The following SCIN variants were observed in gnomAD, a reference collection of about 807,000 sequenced individuals.
SCIN encodes the protein adseverin.
A neutral mutation model predicts 91.8 loss-of-function variants in SCIN; 91 were observed. That is an observed-to-expected ratio of 0.99 (90% CI 0.84 to 1.18). The LOEUF is 1.18. Ranked by LOEUF, SCIN falls within the 50% of genes most tolerant of loss-of-function variation. The pLI, the probability that SCIN is intolerant of heterozygous loss-of-function variation, is 0.00. For missense variants in SCIN, 1,087 were observed against 863.9 expected, an observed-to-expected ratio of 1.26 and a Z score of -3.24; for synonymous variants, 367 against 312.6, an observed-to-expected ratio of 1.17 and a Z score of -1.84.
chr7:12,598,439 C>T (rs768570638), intron 3 of SCIN, among the ~76,000 whole-genome samples: 2 of 152,068 alleles, frequency 1.3e-5, no homozygotes, highest in African/African-American at 2.4e-5. Context: ...CTTACTTCAG[C>T]ACAGTAGAGC....
Position 12,576,646 on chromosome 7 carries a change from A to G in SCIN, c.200-1418A>G, listed in dbSNP as rs7781751. On this transcript the variant is annotated intron_variant, in intron 1 of 15. Coordinates refer to ENST00000297029, the MANE Select transcript of SCIN (RefSeq NM_001112706.3). ...AGAGCCTGAGTACAAAAAAATACCCACAAGTGTACTGGAGTTTTTAAGAAC... is the reference window on the plus strand; with the variant it reads ...AGAGCCTGAGTACAAAAAAATACCCGCAAGTGTACTGGAGTTTTTAAGAAC... Among the ~76,000 whole-genome samples, 508 of 152,262 alleles carry G rather than the reference A, an allele frequency of 3.3e-3. 3 individuals are homozygous for G. Among genetic ancestry groups the G allele is most frequent in the African/African-American group, 0.011 (476 of 41,552 alleles).
chr7:12,659,102 C>T lies in SCIN; in HGVS notation c.*6387C>T, dbSNP rs187169944. ...TCCTGAGTAGCTGGGATTACAGGCA[C>T]CCGCCACCACACCTGACTAATTTTT... On this transcript the variant is annotated 3_prime_UTR_variant, in exon 16 of 16. Transcript: ENST00000297029. The T allele has an allele frequency of 2.1e-3, 323 of 152,306 alleles. No individual in the cohort carries two copies. Among genetic ancestry groups the T allele is most frequent in the Non-Finnish European group, 3.1e-3 (212 of 68,088 alleles). 9.4% of individuals were successfully genotyped at this position (152,306 alleles called of 1,614,324 possible). A position where few individuals can be genotyped will look rare whatever the true frequency, so the allele number is the denominator to read the frequency against.
At chr7:12,631,499 G>T (rs947143351) in intron 9 of SCIN, among the ~76,000 whole-genome samples, 1 of 152,142 alleles carries the variant, frequency 6.6e-6, no homozygotes, top group African/African-American at 2.4e-5. Flanking sequence ...GGGAGATGGG[G>T]CATTTAAGAG....
At chr7:12,572,083 A>G (rs1782283026) in intron 1 of SCIN, among the ~76,000 whole-genome samples, 1 of 152,236 alleles carries the variant, frequency 6.6e-6, no homozygotes, top group African/African-American at 2.4e-5. Flanking sequence ...GTAATTTCCA[A>G]CATTTGAAGA....
At chr7:12,575,389 A>G (rs1395915842) in intron 1 of SCIN, among the ~76,000 whole-genome samples, 1 of 151,340 alleles carries the variant, frequency 6.6e-6, no homozygotes, top group Admixed American at 6.6e-5. Flanking sequence ...TTGCTGTACT[A>G]TGTTGAATAA....
chr7:12,574,587 A>G (rs577854572), intron 1 of SCIN, among the ~76,000 whole-genome samples: 45 of 152,270 alleles, frequency 3.0e-4, no homozygotes. Flanking sequence ...TATCAATGCC[A>G]ATATCCTGGT....
chr7:12,576,978 T>C (rs556068576), intron 1 of SCIN, among the ~76,000 whole-genome samples: 1 of 152,342 alleles, frequency 6.6e-6, no homozygotes, highest in African/African-American at 2.4e-5. Flanking sequence ...TTCCATAAAA[T>C]GTGAGTGCCC....
intron 3 of SCIN, among the ~76,000 whole-genome samples, chr7:12,589,765 C>T (rs1782678845): frequency 6.6e-6 from 1 of 152,064 alleles, no homozygotes; most frequent in African/African-American, 2.4e-5. Flanking sequence ...GGCTTGTTGG[C>T]AGAGGAGATA....
intron 2 of SCIN, among the ~76,000 whole-genome samples, chr7:12,580,737 A>G: frequency 6.6e-6 from 1 of 152,152 alleles, no homozygotes; most frequent in South Asian, 2.1e-4. Context: ...TTTGGGGATC[A>G]TTAGTGTCCA....
intron 1 of SCIN, chr7:12,577,659 C>A: frequency 2.2e-6 from 1 of 447,342 alleles, no homozygotes; most frequent in Non-Finnish European, 4.4e-6. Context: ...TGAGACCAGC[C>A]TGGGCAACAT....
Position 12,644,570 on chromosome 7 carries a change from T to C in SCIN, c.1760-14T>C. On this transcript the variant is annotated splice_polypyrimidine_tract_variant and intron_variant, in intron 12 of 15. Coordinates refer to ENST00000297029, the MANE Select transcript of SCIN (RefSeq NM_001112706.3). ...CCTGAAAATGCACTGGATAACTGAG[T>C]GTGTTTTCCACAGAGGAGTTCTGGA... 1 of 1,612,402 alleles carries C rather than the reference T, an allele frequency of 6.2e-7. No individual in the cohort carries two copies. Among genetic ancestry groups the C allele is most frequent in the Non-Finnish European group, 8.5e-7 (1 of 1,179,322 alleles).
chr7:12,655,112 T>C lies in SCIN; in HGVS notation c.*2397T>C, dbSNP rs73048782. 13,088 of 152,234 alleles carry C rather than the reference T, an allele frequency of 0.086. 683 individuals carry two copies. The highest frequency in any genetic ancestry group is 0.14 in the South Asian group (656 of 4,822). The allele number at this position is 152,234 out of a possible 1,614,324, so 9.4% of individuals were successfully genotyped here. ...TAGTATTTGCATAAAACCTATACCA[T>C]TCTCCTGTATACTCTAAGTCATCTC... On this transcript the variant is annotated 3_prime_UTR_variant, in exon 16 of 16. Coordinates refer to ENST00000297029, the MANE Select transcript of SCIN (RefSeq NM_001112706.3).
At chr7:12,608,927 T>C (rs1471779179) in intron 4 of SCIN, among the ~76,000 whole-genome samples, 1 of 152,222 alleles carries the variant, frequency 6.6e-6, no homozygotes. Flanking sequence ...TTCATTACTC[T>C]GTATTGAGTG....
intron 3 of SCIN, among the ~76,000 whole-genome samples, chr7:12,581,796 G>A (rs928141667): frequency 9.2e-5 from 14 of 152,038 alleles, no homozygotes; most frequent in Non-Finnish European, 1.5e-4. Flanking sequence ...TCTAATATCA[G>A]GTATACTTAT....
At chr7:12,585,988 C>A (rs1399226252) in intron 3 of SCIN, among the ~76,000 whole-genome samples, 1 of 152,212 alleles carries the variant, frequency 6.6e-6, no homozygotes, top group African/African-American at 2.4e-5. Flanking sequence ...AGTGTCCCAG[C>A]CCTTTAGGGT....
chr7:12,636,718 A>G (rs1281806804), intron 10 of SCIN, among the ~76,000 whole-genome samples: 1 of 152,192 alleles, frequency 6.6e-6, no homozygotes, highest in Non-Finnish European at 1.5e-5. Context: ...TCAACCAGCG[A>G]TTGCTAGCTT....
rs1235514813 is a variant in SCIN at position 12,607,181 on chromosome 7, T to A, written c.666+2518T>A. Among the ~76,000 whole-genome samples, 6 of 152,184 alleles carry A rather than the reference T, an allele frequency of 3.9e-5. No homozygotes were observed. In the East Asian group the frequency reaches 1.2e-3, roughly 29 times the overall value. ...CCAAAGCAAGTCTCCTGACTATTCA[T>A]TGTGTCTGATTCCTCATATGCAAAG... On this transcript the variant is annotated intron_variant, in intron 4 of 15. Coordinates refer to ENST00000297029, the MANE Select transcript of SCIN (RefSeq NM_001112706.3).
chr7:12,656,998 C>G lies in SCIN; in HGVS notation c.*4283C>G, dbSNP rs2115310866. The G allele has an allele frequency of 6.6e-6, 1 of 151,548 alleles. No homozygotes were observed. Among genetic ancestry groups the G allele is most frequent in the Non-Finnish European group, 1.5e-5 (1 of 67,900 alleles). 9.4% of individuals were successfully genotyped at this position (151,548 alleles called of 1,614,324 possible). On this transcript the variant is annotated 3_prime_UTR_variant, in exon 16 of 16. Transcript: ENST00000297029. ...GAAATGACTAAAATCAAATATTTTA[C>G]TTGGTAATGCCAAGTAAAAATACAG...
intron 3 of SCIN, chr7:12,588,804 T>TGTG (rs1782645887): frequency 3.8e-4 from 1 of 2,644 alleles, no homozygotes; most frequent in Admixed American, 5.9e-3. Flanking sequence ...ACAGCTGCAT[T>TGTG]GGGTGGGGGG....
Sources: allele counts gnomAD v4.1 joint callset (sites outside exome capture counted in the v4.1 genomes callset), GRCh38; gene constraint gnomAD v4.1.1; transcripts MANE v1.5; gene names NCBI Gene and HGNC (gene_info 2026-07-23, HGNC 2026-07-21).